Variants in SLC39A11 observed in about 807,000 individuals in gnomAD.
SLC39A11 encodes solute carrier family 39 member 11.
SLC39A11 carries 33 observed loss-of-function variants against 36.1 expected under a neutral mutation model. The ratio of observed to expected loss-of-function variants is 0.91; its 90% CI spans 0.69 to 1.22. SLC39A11 has a LOEUF of 1.22. Among genes scored for constraint, SLC39A11 ranks in the 50% most tolerant of loss-of-function variants. The pLI, the probability that SLC39A11 is intolerant of heterozygous loss-of-function variation, is 0.00. For synonymous variants in SLC39A11, 166 were observed against 170.3 expected (o/e 0.97, Z 0.20); for missense variants, 432 against 430.3 (o/e 1.00, Z -0.03).
intron 6 of SLC39A11, among the ~76,000 whole-genome samples, chr17:72,830,442 C>A (rs766810652): frequency 6.6e-6 from 1 of 152,110 alleles, no homozygotes; most frequent in African/African-American, 2.4e-5. Flanking sequence ...GATAACACAT[C>A]AACTTGGTAA....
At chr17:72,768,433 A>G (rs2075825051) in intron 6 of SLC39A11, among the ~76,000 whole-genome samples, 1 of 152,138 alleles carries the variant, frequency 6.6e-6, no homozygotes, top group South Asian at 2.1e-4. Context: ...CATTGTTGTC[A>G]TTTTTGCAAA....
intron 3 of SLC39A11, among the ~76,000 whole-genome samples, chr17:73,057,689 G>C (rs1220383871): frequency 6.6e-6 from 1 of 152,192 alleles, no homozygotes; most frequent in East Asian, 1.9e-4. Context: ...TGTAATCCTA[G>C]CACTTTGGGA....
At chr17:73,033,486 G>A (rs77369286) in intron 3 of SLC39A11, among the ~76,000 whole-genome samples, 21 of 152,200 alleles carry the variant, frequency 1.4e-4, no homozygotes, top group Non-Finnish European at 2.6e-4. Context: ...ATGAGCTGGC[G>A]CAGTGGTGCA....
At chr17:72,978,104 C>T (rs908595098) in intron 4 of SLC39A11, among the ~76,000 whole-genome samples, 1 of 152,240 alleles carries the variant, frequency 6.6e-6, no homozygotes, top group Non-Finnish European at 1.5e-5. Flanking sequence ...AGGGGAAGTA[C>T]GGGGAGGTTC....
Position 72,647,028 on chromosome 17 carries a change from G to C in SLC39A11, c.*556C>G, listed in dbSNP as rs1032541646. On this transcript the variant is annotated 3_prime_UTR_variant, in exon 10 of 10. Transcript: ENST00000255559. ...CCCCCTCCCATGTAGTATCTCCTTA[G>C]GGGGAGGTAAAGGAAGACATGCTCC... The C allele has an allele frequency of 6.6e-6, 1 of 151,516 alleles. No homozygotes were observed. Among genetic ancestry groups the C allele is most frequent in the South Asian group, 2.1e-4 (1 of 4,794 alleles). The allele number at this position is 151,516 out of a possible 1,614,324, so 9.4% of individuals were successfully genotyped here. A position where few individuals can be genotyped will look rare whatever the true frequency, so the allele number is the denominator to read the frequency against.
chr17:73,040,871 G>A (rs1244314124), intron 3 of SLC39A11, among the ~76,000 whole-genome samples: 2 of 151,816 alleles, frequency 1.3e-5, no homozygotes, highest in Non-Finnish European at 2.9e-5. Context: ...TGTAGTCCCA[G>A]CTGCTCGGAA....
chr17:72,876,908 G>A (rs1184998088), intron 5 of SLC39A11, among the ~76,000 whole-genome samples: 2 of 152,146 alleles, frequency 1.3e-5, no homozygotes, highest in Admixed American at 1.3e-4. Context: ...CCTGGTTTCA[G>A]TAACACTTAG....
intron 5 of SLC39A11, among the ~76,000 whole-genome samples, chr17:72,901,097 C>T (rs4969033): frequency 0.64 from 97,453 of 151,930 alleles, 33,461 homozygotes; most frequent in African/African-American, 0.91. Context: ...ACTGAAAAAT[C>T]GTGTCCAAGT....
chr17:72,676,482 C>T (rs191820000), intron 7 of SLC39A11, among the ~76,000 whole-genome samples: 28 of 152,164 alleles, frequency 1.8e-4, no homozygotes, highest in African/African-American at 6.7e-4. Context: ...AGAGCTGGTA[C>T]ACACTAGATG....
intron 4 of SLC39A11, among the ~76,000 whole-genome samples, chr17:73,006,231 A>C (rs1333869519): frequency 6.6e-6 from 1 of 152,220 alleles, no homozygotes; most frequent in African/African-American, 2.4e-5. Flanking sequence ...ATTTCTTTAT[A>C]AAATGAGCAT....
intron 6 of SLC39A11, among the ~76,000 whole-genome samples, chr17:72,824,805 A>G (rs2077944279): frequency 6.6e-6 from 1 of 151,270 alleles, no homozygotes; most frequent in African/African-American, 2.4e-5. Context: ...AAATTAGGGT[A>G]TCTAGCAGAA....
At chr17:72,692,698 A>G (rs1478301051) in intron 7 of SLC39A11, among the ~76,000 whole-genome samples, 1 of 152,204 alleles carries the variant, frequency 6.6e-6, no homozygotes, top group East Asian at 1.9e-4. Context: ...GAATGGGGAC[A>G]CAGCCAAACC....
chr17:73,003,889 C>T (rs1473662467), intron 4 of SLC39A11, among the ~76,000 whole-genome samples: 1 of 152,164 alleles, frequency 6.6e-6, no homozygotes, highest in East Asian at 1.9e-4. Context: ...AGTTTGAGAC[C>T]AGCCTGGCCA....
intron 6 of SLC39A11, among the ~76,000 whole-genome samples, chr17:72,753,909 A>AAAAAAAT (rs1206939526): frequency 2.0e-5 from 3 of 149,650 alleles, no homozygotes; most frequent in African/African-American, 7.4e-5. Context: ...AAAAAAAAAA[A>AAAAAAAT]AAACCTGCAC....
chr17:72,990,812 G>C (rs755118006), intron 4 of SLC39A11, among the ~76,000 whole-genome samples: 14 of 152,166 alleles, frequency 9.2e-5, no homozygotes, highest in Non-Finnish European at 1.6e-4. Context: ...ATATAACCTA[G>C]AGACTAAAGT....
chr17:72,957,264 A>T (rs2086297442), intron 4 of SLC39A11, among the ~76,000 whole-genome samples: 1 of 152,192 alleles, frequency 6.6e-6, no homozygotes, highest in Admixed American at 6.5e-5. Context: ...AGGACCTGCA[A>T]TGTCACATTG....
At chr17:72,696,352 A>G (rs2072301794) in intron 7 of SLC39A11, among the ~76,000 whole-genome samples, 1 of 152,124 alleles carries the variant, frequency 6.6e-6, no homozygotes, top group Non-Finnish European at 1.5e-5. Context: ...CACAAATAAT[A>G]GCAGTCGCCA....
At chr17:73,009,670 C>A (rs941757719) in intron 4 of SLC39A11, among the ~76,000 whole-genome samples, 1 of 152,090 alleles carries the variant, frequency 6.6e-6, no homozygotes, top group Admixed American at 6.5e-5. Context: ...TATGAAGGTA[C>A]TAAATGTCAC....
At chr17:72,678,036 C>T (rs888360031) in intron 7 of SLC39A11, among the ~76,000 whole-genome samples, 1 of 152,158 alleles carries the variant, frequency 6.6e-6, no homozygotes, top group East Asian at 1.9e-4. Context: ...CAAATGCATT[C>T]ATCAACTAAT....
Sources: allele counts gnomAD v4.1 joint callset (sites outside exome capture counted in the v4.1 genomes callset), GRCh38; gene constraint gnomAD v4.1.1; transcripts MANE v1.5; gene names NCBI Gene and HGNC (gene_info 2026-07-23, HGNC 2026-07-21).